Variants in PTPRD observed in about 807,000 individuals in gnomAD.
PTPRD encodes the protein protein tyrosine phosphatase receptor type D, also known as receptor-type tyrosine-protein phosphatase delta.
In PTPRD, 34 loss-of-function variants were observed where a neutral mutation model predicts 214.5. The observed-to-expected ratio is 0.16, with a 90% CI of 0.12 to 0.21. PTPRD has a LOEUF of 0.21. PTPRD is among the 10% of genes least tolerant of loss of function. PTPRD has a pLI of 1.00. For synonymous variants in PTPRD, 1,128 were observed against 845.7 expected, an observed-to-expected ratio of 1.33 and a Z score of -5.79; for missense variants, 2,545 against 2,398.7, an observed-to-expected ratio of 1.06 and a Z score of -1.27.
At chr9:10,190,611 G>C (rs545013813) in intron 3 of PTPRD, among the ~76,000 whole-genome samples, 2 of 149,816 alleles carry the variant, frequency 1.3e-5, no homozygotes, top group East Asian at 4.0e-4. Context: ...CCAACTGCTC[G>C]GGAGGCTGAG....
chr9:9,652,219 A>T (rs927242706), intron 7 of PTPRD, among the ~76,000 whole-genome samples: 2 of 152,064 alleles, frequency 1.3e-5, no homozygotes, highest in African/African-American at 4.8e-5. Flanking sequence ...TCCTTGTCTT[A>T]CTATCTGCTG....
chr9:9,893,944 C>A (rs1413880906), intron 5 of PTPRD, among the ~76,000 whole-genome samples: 1 of 151,996 alleles, frequency 6.6e-6, no homozygotes, highest in Non-Finnish European at 1.5e-5. Flanking sequence ...TTTTGAGTAG[C>A]TAAGACCACA....
At chr9:9,378,065 C>G (rs1473879342) in intron 9 of PTPRD, among the ~76,000 whole-genome samples, 2 of 151,960 alleles carry the variant, frequency 1.3e-5, no homozygotes, top group Admixed American at 6.6e-5. Context: ...CGATAATGAA[C>G]CTCCATTAAA....
At chr9:8,824,490 G>GT (rs2097137698) in intron 11 of PTPRD, among the ~76,000 whole-genome samples, 1 of 152,170 alleles carries the variant, frequency 6.6e-6, no homozygotes, top group Admixed American at 6.5e-5. Flanking sequence ...TTGACAAAAG[G>GT]TGGTATCTGT....
intron 4 of PTPRD, among the ~76,000 whole-genome samples, chr9:9,958,659 A>T (rs1372858532): frequency 2.6e-5 from 4 of 152,172 alleles, no homozygotes; most frequent in African/African-American, 9.7e-5. Flanking sequence ...CTGCCAAAAA[A>T]CTTTTATCCA....
intron 12 of PTPRD, among the ~76,000 whole-genome samples, chr9:8,695,164 A>T (rs1565344379): frequency 6.6e-6 from 1 of 152,072 alleles, no homozygotes; most frequent in Non-Finnish European, 1.5e-5. Flanking sequence ...TCTAAACACC[A>T]CATACAGAGG....
intron 2 of PTPRD, among the ~76,000 whole-genome samples, chr9:10,535,657 G>T (rs886323988): frequency 6.6e-6 from 1 of 151,634 alleles, no homozygotes; most frequent in Non-Finnish European, 1.5e-5. Flanking sequence ...AGATGTCATG[G>T]TTGATAACCA....
chr9:10,424,080 ATTTTG>A (rs2098585534), intron 2 of PTPRD, among the ~76,000 whole-genome samples: 1 of 152,014 alleles, frequency 6.6e-6, no homozygotes, highest in African/African-American at 2.4e-5. Flanking sequence ...ACATTAAAAC[ATTTTG>A]TTTGAGTTAA....
At chr9:8,340,967 C>T in intron 41 of PTPRD, 123 bp downstream of exon 41, 1 of 976,442 alleles carries the variant, frequency 1.0e-6, no homozygotes, top group Non-Finnish European at 1.5e-6. Flanking sequence ...TACCAAGGGA[C>T]TAAATGATGA....
chr9:8,341,370 TTTTG>T, intron 40 of PTPRD, 102 bp from the exon 41 acceptor site: 1 of 1,249,410 alleles, frequency 8.0e-7, no homozygotes, highest in African/African-American at 1.5e-5. Context: ...GATATAAATC[TTTTG>T]TTTACTTAAA....
chr9:9,685,689 A>G (rs1451602516), intron 7 of PTPRD, among the ~76,000 whole-genome samples: 1 of 151,290 alleles, frequency 6.6e-6, no homozygotes, highest in East Asian at 1.9e-4. Context: ...CTCTTAAGTA[A>G]TAAGTCACCA....
At chr9:8,965,544 G>T (rs998023614) in intron 11 of PTPRD, among the ~76,000 whole-genome samples, 24 of 152,104 alleles carry the variant, frequency 1.6e-4, no homozygotes, top group African/African-American at 5.6e-4. Context: ...ATTTAGGATA[G>T]TTAAGTCTTC....
intron 34 of PTPRD, among the ~76,000 whole-genome samples, chr9:8,448,102 G>A (rs978659921): frequency 3.3e-5 from 5 of 151,974 alleles, no homozygotes. Context: ...AGGCAGGTGA[G>A]TTGCTGGAGC....
chr9:10,001,788 C>T (rs551424168), intron 4 of PTPRD, among the ~76,000 whole-genome samples: 59 of 152,168 alleles, frequency 3.9e-4, no homozygotes, highest in African/African-American at 1.4e-3. Context: ...ATGAGAAATA[C>T]TAACTGGAGA....
At chr9:9,331,909 C>G (rs2042450909) in intron 9 of PTPRD, among the ~76,000 whole-genome samples, 1 of 151,964 alleles carries the variant, frequency 6.6e-6, no homozygotes, top group African/African-American at 2.4e-5. Flanking sequence ...TCTGGGGAAA[C>G]TGGAGGGGAA....
At chr9:10,439,173 C>A (rs2098742351) in intron 2 of PTPRD, among the ~76,000 whole-genome samples, 1 of 151,776 alleles carries the variant, frequency 6.6e-6, no homozygotes, top group Admixed American at 6.6e-5. Context: ...CAGCAATAAA[C>A]AACAAATACA....
intron 37 of PTPRD, among the ~76,000 whole-genome samples, chr9:8,382,538 G>C (rs2085440650): frequency 6.6e-6 from 1 of 152,160 alleles, no homozygotes; most frequent in Admixed American, 6.6e-5. Flanking sequence ...GTGGGGTGGG[G>C]AAAGAAGGTA....
At chr9:10,312,665 G>A (rs2096299527) in intron 3 of PTPRD, among the ~76,000 whole-genome samples, 2 of 151,728 alleles carry the variant, frequency 1.3e-5, no homozygotes, top group Admixed American at 1.3e-4. Context: ...AAACATAAGT[G>A]CTTTATATAT....
At chr9:9,924,379 G>T (rs1602333643) in intron 5 of PTPRD, among the ~76,000 whole-genome samples, 1 of 151,960 alleles carries the variant, frequency 6.6e-6, no homozygotes, top group African/African-American at 2.4e-5. Flanking sequence ...TGTCAAACAA[G>T]CTGCCATTAT....
Sources: allele counts gnomAD v4.1 joint callset (sites outside exome capture counted in the v4.1 genomes callset), GRCh38; gene constraint gnomAD v4.1.1; transcripts MANE v1.5; gene names NCBI Gene and HGNC (gene_info 2026-07-23, HGNC 2026-07-21).